SHANK2: variants seen among roughly 807,000 people sequenced by gnomAD.
SHANK2 encodes SH3 and multiple ankyrin repeat domains protein 2.
Under a neutral mutation model 133.7 loss-of-function variants are expected in SHANK2, and 43 were observed. The observed-to-expected ratio is 0.32, with a 90% CI of 0.25 to 0.41. SHANK2 has a LOEUF of 0.41. Among genes scored for constraint, SHANK2 ranks in the 10% least tolerant of loss-of-function variants. The pLI, the probability that SHANK2 is intolerant of heterozygous loss-of-function variation, is 1.00. For synonymous variants in SHANK2, 1,017 were observed against 952.8 expected, an observed-to-expected ratio of 1.07 and a Z score of -1.24; for missense variants, 1,994 against 2,235.8, an observed-to-expected ratio of 0.89 and a Z score of 2.18.
At chr11:70,596,029 C>T (rs1233157161) in intron 17 of SHANK2, among the ~76,000 whole-genome samples, 1 of 152,158 alleles carries the variant, frequency 6.6e-6, no homozygotes, top group Admixed American at 6.5e-5. Flanking sequence ...AGGGGCACCT[C>T]GCCAGGATAC....
chr11:70,890,726 G>A (rs1555074473), intron 11 of SHANK2, among the ~76,000 whole-genome samples: 1 of 150,934 alleles, frequency 6.6e-6, no homozygotes, highest in Non-Finnish European at 1.5e-5. Context: ...TTGAACCCAG[G>A]AGGCAGAGGC....
At chr11:71,124,650 T>G (rs1328120111) in intron 3 of SHANK2, among the ~76,000 whole-genome samples, 1 of 152,170 alleles carries the variant, frequency 6.6e-6, no homozygotes, top group African/African-American at 2.4e-5. Context: ...AGTAGAGGTT[T>G]GGTTTAAACC....
At chr11:70,848,768 G>A (rs1051895534) in intron 11 of SHANK2, among the ~76,000 whole-genome samples, 2 of 152,200 alleles carry the variant, frequency 1.3e-5, no homozygotes, top group Non-Finnish European at 2.9e-5. Flanking sequence ...ACCACGTCCA[G>A]TGATGCAAGC....
At chr11:70,941,529 C>A (rs566673316) in intron 10 of SHANK2, among the ~76,000 whole-genome samples, 6 of 152,204 alleles carry the variant, frequency 3.9e-5, no homozygotes, top group Non-Finnish European at 8.8e-5. Flanking sequence ...TGTCAGAGCT[C>A]TAATCCCCAA....
At chr11:71,066,125 G>A (rs1176367693) in intron 9 of SHANK2, among the ~76,000 whole-genome samples, 2 of 96,942 alleles carry the variant, frequency 2.1e-5, no homozygotes, top group Non-Finnish European at 4.9e-5. Context: ...CCAGGGAGAT[G>A]AGCAGTGAGT....
At chr11:70,491,680 C>T (rs1392297337) in intron 22 of SHANK2, among the ~76,000 whole-genome samples, 22 of 152,240 alleles carry the variant, frequency 1.4e-4, no homozygotes, top group African/African-American at 5.3e-4. Flanking sequence ...CAGATGGCTG[C>T]CTCTGCACAA....
Position 70,746,078 on chromosome 11 carries a change from C to T in SHANK2, c.1778-47315G>A, listed in dbSNP as rs181941827. Among the ~76,000 whole-genome samples the T allele has an allele frequency of 6.6e-5, 10 of 152,312 alleles. No homozygotes were observed. In the East Asian group the frequency reaches 9.7e-4, roughly 15 times the overall value. ...AGGGAAAATCACACAGGTGCTGACC[C>T]GAGACAGGGCTGAGGACCTGCTGGG... On this transcript the variant is annotated intron_variant, in intron 14 of 25. Transcript: ENST00000601538.
At chr11:71,068,407 G>T (rs1951096802) in intron 9 of SHANK2, among the ~76,000 whole-genome samples, 1 of 152,230 alleles carries the variant, frequency 6.6e-6, no homozygotes, top group Non-Finnish European at 1.5e-5. Context: ...GAGACTGGAA[G>T]AATCTGAATA....
At chr11:70,589,785 C>T (rs1385683617) in intron 17 of SHANK2, among the ~76,000 whole-genome samples, 1 of 152,140 alleles carries the variant, frequency 6.6e-6, no homozygotes, top group Non-Finnish European at 1.5e-5. Flanking sequence ...GATCCCATCC[C>T]TCATGGATGG....
At chr11:71,109,870 G>T in intron 6 of SHANK2, 71 bp downstream of exon 6, 1 of 897,186 alleles carries the variant, frequency 1.1e-6, no homozygotes, top group Non-Finnish European at 1.8e-6. Context: ...TTCACAGGTA[G>T]CCTGAGCAGT....
chr11:71,183,680 G>A (rs146642728), intron 2 of SHANK2, among the ~76,000 whole-genome samples: 357 of 152,270 alleles, frequency 2.3e-3, no homozygotes, highest in African/African-American at 8.3e-3. Flanking sequence ...CTGGGGGCAG[G>A]TGGCTCCATC....
intron 2 of SHANK2, among the ~76,000 whole-genome samples, chr11:71,214,679 T>C (rs1555119404): frequency 6.6e-6 from 1 of 152,190 alleles, no homozygotes; most frequent in African/African-American, 2.4e-5. Flanking sequence ...TGTCAGACCC[T>C]TGGCCCACCC....
In SHANK2 at chr11:70,569,576, C is replaced by A. The variant is rs11604084; in HGVS notation, c.2062-66645G>T. Among the ~76,000 whole-genome samples, 31,360 of 152,000 alleles carry A rather than the reference C, an allele frequency of 0.21. 3,830 individuals carry two copies. Among genetic ancestry groups the A allele is most frequent in the South Asian group, 0.31 (1,499 of 4,810 alleles). ...GCCGCAGCCCTCTCCTTTCTGTGGCCCCTCCCCACGTGGAGGATACCGAGG... is the reference window on the plus strand; with the variant it reads ...GCCGCAGCCCTCTCCTTTCTGTGGCACCTCCCCACGTGGAGGATACCGAGG... On this transcript the variant is annotated intron_variant, in intron 17 of 25. Transcript: ENST00000601538. This position sits in a 1 kb window ranked among gnomAD's most constrained non-coding sequence, Gnocchi z 5.1.
At chr11:70,599,166 C>A (rs1199022602) in intron 17 of SHANK2, among the ~76,000 whole-genome samples, 1 of 151,928 alleles carries the variant, frequency 6.6e-6, no homozygotes, top group Non-Finnish European at 1.5e-5. Context: ...TATACCAAAG[C>A]CAGCCATATT....
At chr11:70,781,580 A>ATATATATATATT (rs34035945) in intron 14 of SHANK2, among the ~76,000 whole-genome samples, 40 of 126,272 alleles carry the variant, frequency 3.2e-4, no homozygotes, top group African/African-American at 1.2e-3. Context: ...ATATATATAT[A>ATATATATATATT]TATTTACTTA....
At chr11:70,657,572 C>T (rs2061419583) in intron 17 of SHANK2, among the ~76,000 whole-genome samples, 1 of 152,142 alleles carries the variant, frequency 6.6e-6, no homozygotes, top group Non-Finnish European at 1.5e-5. Context: ...CTGCCTGCAC[C>T]CCGCACCCTC....
chr11:70,581,758 C>T (rs11236730), intron 17 of SHANK2, among the ~76,000 whole-genome samples: 19,555 of 152,208 alleles, frequency 0.13, 1,380 homozygotes, highest in Middle Eastern at 0.15. Flanking sequence ...GCCTGGTGCA[C>T]ACAGCAGCAT....
At chr11:70,617,935 A>G (rs1197398747) in intron 17 of SHANK2, among the ~76,000 whole-genome samples, 12 of 152,162 alleles carry the variant, frequency 7.9e-5, no homozygotes, top group Non-Finnish European at 1.5e-4. Flanking sequence ...ACATGGATAC[A>G]TATGTAACAA....
At chr11:70,916,154 T>G (rs566177571) in intron 10 of SHANK2, among the ~76,000 whole-genome samples, 1 of 152,318 alleles carries the variant, frequency 6.6e-6, no homozygotes, top group Admixed American at 6.5e-5. Context: ...AACCGGGCAA[T>G]GTGTCTACCT....
Sources: allele counts gnomAD v4.1 joint callset (sites outside exome capture counted in the v4.1 genomes callset), GRCh38; gene constraint gnomAD v4.1.1; non-coding constraint Gnocchi (gnomAD v3.1); transcripts MANE v1.5; gene names NCBI Gene and HGNC (gene_info 2026-07-23, HGNC 2026-07-21).